The following KCTD9 variants were observed in gnomAD, a reference collection of about 807,000 sequenced individuals.
KCTD9 encodes the protein BTB/POZ domain-containing protein KCTD9.
Under a neutral mutation model 53.3 loss-of-function variants are expected in KCTD9, and 17 were observed. The ratio of observed to expected loss-of-function variants is 0.32; its 90% confidence interval spans 0.22 to 0.48. The LOEUF (loss-of-function observed/expected upper bound fraction) is 0.48. KCTD9 is among the 20% of genes least tolerant of loss of function. The pLI, the probability that KCTD9 is intolerant of heterozygous loss-of-function variation, is 0.99. For missense variants in KCTD9, 179 were observed against 465.5 expected, an observed-to-expected ratio of 0.38 and a Z score of 5.66; for synonymous variants, 128 against 162.7, an observed-to-expected ratio of 0.79 and a Z score of 1.62.
rs1801996909 is a variant in KCTD9, at chr8:25,435,273, G to A, written c.813+90C>T. Reference sequence around the variant, plus strand: ...TTTTCAAGTAAAAGCTCCAGTAAAAGATAGTTATAATTCCTGTCTCAAAGG... The same window carrying A: ...TTTTCAAGTAAAAGCTCCAGTAAAAAATAGTTATAATTCCTGTCTCAAAGG... On this transcript the variant is annotated intron_variant, in intron 9 of 11. Transcript: ENST00000221200. 3.8e-6 allele frequency: 3 copies of A among 787,120 alleles called. No individual in the cohort carries two copies. In the South Asian group the frequency reaches 1.1e-4, roughly 29 times the overall value. 48.8% of individuals were successfully genotyped at this position (787,120 alleles called of 1,614,324 possible).
chr8:25,438,033 T>C (rs1007139022), intron 6 of KCTD9, among the ~76,000 whole-genome samples: 1 of 152,106 alleles, frequency 6.6e-6, no homozygotes, highest in South Asian at 2.1e-4. Context: ...CAATGCTTTA[T>C]AAAATGAATC....
chr8:25,447,178 A>T (rs1802228637), intron 1 of KCTD9, among the ~76,000 whole-genome samples: 1 of 151,986 alleles, frequency 6.6e-6, no homozygotes, highest in South Asian at 2.1e-4. Context: ...CAGAGCACTT[A>T]AGGCCTGGAG....
intron 11 of KCTD9, 83 bp downstream of exon 11, chr8:25,432,420 CT>C: frequency 8.0e-7 from 1 of 1,254,670 alleles, no homozygotes; most frequent in Non-Finnish European, 1.1e-6. Flanking sequence ...CAGCCAACTA[CT>C]TTGTTTTGAT....
chr8:25,439,542 TTA>T, intron 5 of KCTD9, 62 bp downstream of exon 5: 1 of 1,593,088 alleles, frequency 6.3e-7, no homozygotes, highest in Non-Finnish European at 8.6e-7. Flanking sequence ...AGGTCAGGAG[TTA>T]TAAAGTCAGC....
chr8:25,435,334 T>C, intron 9 of KCTD9, 29 bp downstream of exon 9: 1 of 1,504,306 alleles, frequency 6.6e-7, no homozygotes, highest in East Asian at 2.5e-5. Context: ...AACATTTAAT[T>C]TTCTCTTGTA....
intron 11 of KCTD9, among the ~76,000 whole-genome samples, chr8:25,431,637 G>C (rs1234957596): frequency 2.0e-5 from 3 of 152,082 alleles, no homozygotes; most frequent in African/African-American, 7.2e-5. Flanking sequence ...TATAATCTTA[G>C]GTGAAAGTAA....
chr8:25,451,251 A>G (rs1408420532), intron 1 of KCTD9, among the ~76,000 whole-genome samples: 1 of 152,244 alleles, frequency 6.6e-6, no homozygotes, highest in African/African-American at 2.4e-5. Flanking sequence ...ATCAACATAA[A>G]TTTGTCATAC....
At chr8:25,454,623 T>A (rs1802396959) in intron 1 of KCTD9, among the ~76,000 whole-genome samples, 1 of 152,156 alleles carries the variant, frequency 6.6e-6, no homozygotes, top group African/African-American at 2.4e-5. Flanking sequence ...CATAACTGAC[T>A]CTTTCGGAGC....
chr8:25,435,616 G>A, intron 8 of KCTD9, 104 bp from the exon 9 acceptor site: 1 of 915,436 alleles, frequency 1.1e-6, no homozygotes, highest in Admixed American at 3.1e-5. Flanking sequence ...GCAATTGGCA[G>A]TTCAGTCACT....
At chr8:25,444,602 A>G (rs973134848) in intron 2 of KCTD9, among the ~76,000 whole-genome samples, 1 of 152,214 alleles carries the variant, frequency 6.6e-6, no homozygotes, top group Non-Finnish European at 1.5e-5. Context: ...TGTTGAGTTC[A>G]GCTTTCTTAT....
chr8:25,430,987 G>A (rs754480824), intron 11 of KCTD9, among the ~76,000 whole-genome samples: 14 of 151,826 alleles, frequency 9.2e-5, no homozygotes, highest in Admixed American at 3.3e-4. Context: ...TCACCACCAC[G>A]CCTGGCTAAT....
At chr8:25,457,440 T>C (rs1802472103) in intron 1 of KCTD9, 1 of 916,888 alleles carries the variant, frequency 1.1e-6, no homozygotes, top group Non-Finnish European at 1.3e-6. Context: ...AGAGAATTCG[T>C]TTTGGCTTGC....
At position 25,456,623 on chromosome 8, in the gene KCTD9, A is replaced by T. The variant is rs1802439443; in HGVS notation, c.48+1576T>A. On this transcript the variant is annotated intron_variant, in intron 1 of 11. Transcript: ENST00000221200. ...GATGCATTTTCCCCAATCTTCTGAG[A>T]TTCTCTAGCAGAATATTTTTAAAGT... Among the ~76,000 whole-genome samples the T allele has an allele frequency of 2.6e-5, 4 of 152,212 alleles. No individual in the cohort carries two copies. The South Asian group carries it at 8.3e-4, about 32-fold the overall frequency.
At chr8:25,446,945 T>C (rs1374532412) in intron 1 of KCTD9, among the ~76,000 whole-genome samples, 1 of 152,202 alleles carries the variant, frequency 6.6e-6, no homozygotes, top group Non-Finnish European at 1.5e-5. Context: ...GTCTGATATA[T>C]GTGCAAGATA....
At chr8:25,449,390 ATC>A (rs1802276399) in intron 1 of KCTD9, among the ~76,000 whole-genome samples, 1 of 152,158 alleles carries the variant, frequency 6.6e-6, no homozygotes, top group Non-Finnish European at 1.5e-5. Flanking sequence ...CTCTCTCAGC[ATC>A]TCTTTCACTG....
intron 1 of KCTD9, chr8:25,450,494 T>TA (rs1220989092): frequency 4.1e-6 from 4 of 969,398 alleles, no homozygotes; most frequent in Middle Eastern, 5.3e-4. Context: ...GTCATTAGGG[T>TA]AAAAAAATAC....
intron 1 of KCTD9, among the ~76,000 whole-genome samples, chr8:25,449,324 A>C (rs1171093596): frequency 6.6e-6 from 1 of 152,180 alleles, no homozygotes; most frequent in Non-Finnish European, 1.5e-5. Flanking sequence ...TGGCTCTTAC[A>C]TCTCAGTATG....
intron 1 of KCTD9, chr8:25,450,443 T>A (rs1192641633): frequency 2.0e-6 from 2 of 982,160 alleles, no homozygotes; most frequent in Non-Finnish European, 2.4e-6. Context: ...AGGACACACC[T>A]TTTTTGTGTG....
In KCTD9 at chr8:25,428,427, G is replaced by A. The variant is rs1312557770; in HGVS notation, c.*1430C>T. ...ATGTAGATATAGAAGAATAAGCTAC[G>A]TAAATACTAAAGATATGTCATTCTC... On this transcript the variant is annotated 3_prime_UTR_variant, in exon 12 of 12. Transcript: ENST00000221200. The A allele has an allele frequency of 2.0e-5, 3 of 152,180 alleles. No individual in the cohort carries two copies. Among genetic ancestry groups the A allele is most frequent in the Admixed American group, 6.6e-5 (1 of 15,232 alleles). The allele number at this position is 152,180 out of a possible 1,614,324, so 9.4% of individuals were successfully genotyped here.
Sources: gnomAD v4.1 joint callset for allele counts (sites outside exome capture counted in the v4.1 genomes callset) on GRCh38, gnomAD v4.1.1 for gene constraint, MANE v1.5 for transcripts, NCBI Gene and HGNC (gene_info 2026-07-23, HGNC 2026-07-21) for gene names.